CTNNA3: variants seen among roughly 807,000 people sequenced by gnomAD.
CTNNA3 encodes the protein catenin alpha-3.
In CTNNA3, 76 loss-of-function variants were observed where a neutral mutation model predicts 95.7. That is an observed-to-expected ratio of 0.79 (90% CI 0.66 to 0.96). CTNNA3 has a LOEUF of 0.96. Among genes scored for constraint, CTNNA3 ranks in the 40% least tolerant of loss-of-function variants. The pLI is 0.00. For missense variants in CTNNA3, 1,191 were observed against 1,089.8 expected, an observed-to-expected ratio of 1.09 and a Z score of -1.31; for synonymous variants, 431 against 374.4, an observed-to-expected ratio of 1.15 and a Z score of -1.74.
At chr10:66,515,703 C>T (rs1362814894) in intron 11 of CTNNA3, among the ~76,000 whole-genome samples, 1 of 151,988 alleles carries the variant, frequency 6.6e-6, no homozygotes, top group Non-Finnish European at 1.5e-5. Context: ...CATCCTTTTT[C>T]ACATCATGGC....
chr10:67,373,635 G>C (rs1843573368), intron 5 of CTNNA3, among the ~76,000 whole-genome samples: 1 of 152,116 alleles, frequency 6.6e-6, no homozygotes, highest in South Asian at 2.1e-4. Flanking sequence ...CACTTGTTAA[G>C]TGAAAAAGAT....
Position 66,272,181 on chromosome 10 carries a change from C to T in CTNNA3, c.1884+8289G>A, listed in dbSNP as rs535509012. 4.6e-5 allele frequency among the ~76,000 whole-genome samples: 7 copies of T among 152,218 alleles called. 1 individual carries two copies. In the South Asian group the frequency reaches 1.0e-3, roughly 23 times the overall value. On this transcript the variant is annotated intron_variant, in intron 13 of 17. Transcript: ENST00000433211. ...TTTACGAAGTTCCCTTAGGAATCCC[C>T]CTGGTAGGTGGTTTCTTTACAAACT...
chr10:66,428,772 A>G (rs544051808), intron 11 of CTNNA3, among the ~76,000 whole-genome samples: 59 of 152,280 alleles, frequency 3.9e-4, no homozygotes, highest in Non-Finnish European at 7.5e-4. Context: ...AGGGAAATTT[A>G]TAGCACTAAA....
intron 7 of CTNNA3, among the ~76,000 whole-genome samples, chr10:66,894,371 G>C (rs1278274228): frequency 6.6e-6 from 1 of 151,960 alleles, no homozygotes; most frequent in African/African-American, 2.4e-5. Flanking sequence ...TAAGTTGCTT[G>C]TTCTTATGTC....
intron 1 of CTNNA3, among the ~76,000 whole-genome samples, chr10:67,672,182 C>G (rs1482189080): frequency 6.6e-6 from 1 of 152,182 alleles, no homozygotes; most frequent in Non-Finnish European, 1.5e-5. Flanking sequence ...TGTTCATATC[C>G]TTCGCCCACT....
intron 7 of CTNNA3, among the ~76,000 whole-genome samples, chr10:66,847,321 A>G (rs986741508): frequency 6.6e-6 from 1 of 152,194 alleles, no homozygotes; most frequent in Non-Finnish European, 1.5e-5. Context: ...ATCATTCCAA[A>G]TTGACAGGAA....
At chr10:67,496,291 G>A (rs1051842153) in intron 5 of CTNNA3, among the ~76,000 whole-genome samples, 1 of 152,056 alleles carries the variant, frequency 6.6e-6, no homozygotes, top group African/African-American at 2.4e-5. Context: ...ACACTGGTGG[G>A]GGTTGTATTC....
At chr10:67,291,473 C>T (rs188479211) in intron 5 of CTNNA3, among the ~76,000 whole-genome samples, 3 of 152,314 alleles carry the variant, frequency 2.0e-5, no homozygotes, top group African/African-American at 7.2e-5. Flanking sequence ...TCTCCTCTCT[C>T]TAGCATTTCT....
chr10:66,417,254 A>G (rs1259558358), intron 11 of CTNNA3, among the ~76,000 whole-genome samples: 1 of 152,028 alleles, frequency 6.6e-6, no homozygotes, highest in Non-Finnish European at 1.5e-5. Flanking sequence ...CATATCATAC[A>G]AAACAGACTT....
intron 7 of CTNNA3, among the ~76,000 whole-genome samples, chr10:66,948,418 G>A (rs976528472): frequency 3.9e-5 from 6 of 152,176 alleles, no homozygotes; most frequent in East Asian, 1.9e-4. Context: ...ATGCACTTGC[G>A]TAACAACATG....
intron 3 of CTNNA3, among the ~76,000 whole-genome samples, chr10:67,584,845 T>TG (rs1842567039): frequency 6.6e-6 from 1 of 152,236 alleles, no homozygotes; most frequent in Non-Finnish European, 1.5e-5. Flanking sequence ...CGAGGCTCCA[T>TG]GGGCATGGGA....
chr10:66,690,464 A>G (rs1847479902), intron 9 of CTNNA3, among the ~76,000 whole-genome samples: 1 of 151,224 alleles, frequency 6.6e-6, no homozygotes, highest in Non-Finnish European at 1.5e-5. Context: ...TCCTAATGCT[A>G]TCCCTCCCCC....
intron 7 of CTNNA3, among the ~76,000 whole-genome samples, chr10:66,839,434 G>A (rs55801898): frequency 0.046 from 6,922 of 152,128 alleles, 210 homozygotes; most frequent in Middle Eastern, 0.071. Context: ...TACAGAGAAG[G>A]CATAAAAGTA....
rs532988879 is a variant in CTNNA3, at chr10:67,590,268, T to A, written c.292+16589A>T. Among the ~76,000 whole-genome samples the A allele has an allele frequency of 1.2e-4, 18 of 152,252 alleles. No individual in the cohort carries two copies. The South Asian group carries it at 2.1e-3, about 18-fold the overall frequency. Reference sequence around the variant, plus strand: ...GGGGATCCCAAAGGGACAGGCCATGTGTGTTTGCATAATTCAAATGTTTTC... The same window carrying A: ...GGGGATCCCAAAGGGACAGGCCATGAGTGTTTGCATAATTCAAATGTTTTC... On this transcript the variant is annotated intron_variant, in intron 3 of 17. Transcript: ENST00000433211.
chr10:66,036,263 G>A (rs1032572426), intron 15 of CTNNA3, among the ~76,000 whole-genome samples: 155 of 152,126 alleles, frequency 1.0e-3, no homozygotes, highest in African/African-American at 3.5e-3. Context: ...AGAATCAACT[G>A]GAAGGCATAA....
At chr10:66,427,178 T>C (rs1338848271) in intron 11 of CTNNA3, among the ~76,000 whole-genome samples, 1 of 151,998 alleles carries the variant, frequency 6.6e-6, no homozygotes, top group African/African-American at 2.4e-5. Context: ...TATCCCTCCA[T>C]AACTGAGAAA....
In CTNNA3 at chr10:66,566,257, C is replaced by T. The variant is rs539476336; in HGVS notation, c.1375-45484G>A. On this transcript the variant is annotated intron_variant, in intron 10 of 17. Coordinates refer to ENST00000433211, the MANE Select transcript of CTNNA3 (RefSeq NM_013266.4). ...TAGGACTTGGAGAAATGAAGAAAGA[C>T]ACGAGTTGCACATATTCAAATGCCC... Among the ~76,000 whole-genome samples, 53 of 152,216 alleles carry T rather than the reference C, an allele frequency of 3.5e-4. No individual in the cohort carries two copies. The East Asian group carries it at 4.1e-3, about 12-fold the overall frequency.
chr10:67,031,001 T>C (rs917767775), intron 7 of CTNNA3, among the ~76,000 whole-genome samples: 5 of 151,958 alleles, frequency 3.3e-5, no homozygotes, highest in African/African-American at 1.2e-4. Flanking sequence ...CGAAACTCCG[T>C]CTCAAAAAAA....
At chr10:67,123,306 C>T (rs1245837766) in intron 7 of CTNNA3, among the ~76,000 whole-genome samples, 2 of 152,066 alleles carry the variant, frequency 1.3e-5, no homozygotes, top group African/African-American at 4.8e-5. Flanking sequence ...TGAGTATCTG[C>T]TTGATGTATG....
Sources: gnomAD v4.1 joint callset for allele counts (sites outside exome capture counted in the v4.1 genomes callset) on GRCh38, gnomAD v4.1.1 for gene constraint, MANE v1.5 for transcripts, NCBI Gene and HGNC (gene_info 2026-07-23, HGNC 2026-07-21) for gene names.